SCRN1: variants seen among roughly 807,000 people sequenced by gnomAD.
SCRN1 encodes the protein secernin-1.
Under a neutral mutation model 43.3 loss-of-function variants are expected in SCRN1, and 19 were observed. That is an observed-to-expected ratio of 0.44 (90% CI 0.31 to 0.64). The LOEUF is 0.64. Among genes scored for constraint, SCRN1 ranks in the 30% least tolerant of loss-of-function variants. SCRN1 has a pLI of 0.09. For synonymous variants in SCRN1, 183 were observed against 188.9 expected (o/e 0.97, Z 0.26); for missense variants, 447 against 524.1 (o/e 0.85, Z 1.44).
chr7:29,948,219 G>T (rs1256219661), intron 3 of SCRN1, among the ~76,000 whole-genome samples: 2 of 152,176 alleles, frequency 1.3e-5, no homozygotes, highest in Non-Finnish European at 2.9e-5. Context: ...GAGGCTAGCA[G>T]GCCCTGGGAT....
Position 29,950,125 on chromosome 7 carries a change from C to T in SCRN1, c.341+5054G>A, listed in dbSNP as rs984489843. On this transcript the variant is annotated intron_variant, in intron 3 of 7. Coordinates refer to ENST00000242059, the MANE Select transcript of SCRN1 (RefSeq NM_014766.5). The surrounding 1 kb of genome is among the most constrained non-coding windows in gnomAD (Gnocchi z 4.5). ...TGCTCTGGACCTGGGCATCCCTGCA[C>T]TCTCAGGAGCCCAGGAAGCCCTTGC... Among the ~76,000 whole-genome samples the T allele has an allele frequency of 6.6e-6, 1 of 152,218 alleles. No individual in the cohort carries two copies. Among genetic ancestry groups the T allele is most frequent in the Non-Finnish European group, 1.5e-5 (1 of 68,036 alleles).
intron 3 of SCRN1, among the ~76,000 whole-genome samples, chr7:29,952,869 T>C (rs1308242987): frequency 6.6e-6 from 1 of 152,204 alleles, no homozygotes. Flanking sequence ...ATCCCCACCC[T>C]GAAGAACCTA....
rs190027742 is a variant in SCRN1, at chr7:29,925,397, G to A, written c.1086+1055C>T. Among the ~76,000 whole-genome samples, 216 of 152,260 alleles carry A rather than the reference G, an allele frequency of 1.4e-3. 1 individual carries two copies. The highest frequency in any genetic ancestry group is 6.1e-3 in the Admixed American group (94 of 15,294). The stretch of plus-strand genomic sequence containing the variant: ...ATGTCAAATGCAAGAGGCTCACACA[G>A]TCCACAGCACCAATTTACACAAAAG... On this transcript the variant is annotated intron_variant, in intron 7 of 7. Transcript: ENST00000242059.
chr7:29,936,112 G>C (rs987075836), intron 6 of SCRN1, among the ~76,000 whole-genome samples: 8 of 152,084 alleles, frequency 5.3e-5, no homozygotes, highest in African/African-American at 1.9e-4. Flanking sequence ...TATTGCCTCC[G>C]AACTGTTTTA....
intron 1 of SCRN1, among the ~76,000 whole-genome samples, chr7:29,982,965 A>C (rs550191235): frequency 7.9e-5 from 12 of 151,870 alleles, no homozygotes; most frequent in Non-Finnish European, 1.8e-4. Flanking sequence ...CAGCCTCCCA[A>C]GTAGCTGGGA....
intron 1 of SCRN1, among the ~76,000 whole-genome samples, chr7:29,969,613 G>A (rs1321566268): frequency 6.6e-6 from 1 of 152,076 alleles, no homozygotes; most frequent in African/African-American, 2.4e-5. Context: ...AACACCTTTT[G>A]GTTTTCCGTC....
At chr7:29,947,109 G>T in intron 3 of SCRN1, 1 of 1,446,258 alleles carries the variant, frequency 6.9e-7, no homozygotes. Flanking sequence ...GAAACTCAAT[G>T]GGCCAAGGTT....
upstream of SCRN1, chr7:29,990,136 C>T (rs1257618262): frequency 4.5e-6 from 7 of 1,551,376 alleles, no homozygotes; most frequent in Admixed American, 7.8e-5. Flanking sequence ...ACGTCCGGGC[C>T]TCGGCGCCCA....
rs1041176905 is a variant in SCRN1 at position 29,921,913 on chromosome 7, A to C, written c.*2044T>G. On this transcript the variant is annotated 3_prime_UTR_variant, in exon 8 of 8. Coordinates refer to ENST00000242059, the MANE Select transcript of SCRN1 (RefSeq NM_014766.5). ...TGTCAGGTCTGATGAGACATTTCAT[A>C]GTAGGCGAAGGTGAAATCACTCAGT... 6 of 152,238 alleles carry C rather than the reference A, an allele frequency of 3.9e-5. No homozygotes were observed. The highest frequency in any genetic ancestry group is 1.4e-4 in the African/African-American group (6 of 41,464). The allele number at this position is 152,238 out of a possible 1,614,324, so 9.4% of individuals were successfully genotyped here.
At position 29,926,979 on chromosome 7, in the gene SCRN1, C is replaced by T. The variant is rs139314615; in HGVS notation, c.906-347G>A. On this transcript the variant is annotated intron_variant, in intron 6 of 7. Coordinates refer to ENST00000242059, the MANE Select transcript of SCRN1 (RefSeq NM_014766.5). Reference sequence around the variant, plus strand: ...CGGTGCAAGGAGCCATCTAGCTGAGCGAGAGAGGTTTGCCTTTTTTTTTTT... The same window carrying T: ...CGGTGCAAGGAGCCATCTAGCTGAGTGAGAGAGGTTTGCCTTTTTTTTTTT... Among the ~76,000 whole-genome samples, 416 of 149,850 alleles carry T rather than the reference C, an allele frequency of 2.8e-3. 1 individual carries two copies. The highest frequency in any genetic ancestry group is 9.7e-3 in the African/African-American group (394 of 40,736).
chr7:29,990,107 T>C, upstream of SCRN1: 1 of 1,549,148 alleles, frequency 6.5e-7, no homozygotes, highest in Non-Finnish European at 8.7e-7. Context: ...TTGGCGCCTC[T>C]TCCCGACGTT....
chr7:29,959,715 T>C (rs932084096), intron 2 of SCRN1, among the ~76,000 whole-genome samples: 7 of 152,166 alleles, frequency 4.6e-5, no homozygotes, highest in African/African-American at 1.7e-4. Flanking sequence ...AACCACACTT[T>C]AGAAGAACTG....
At chr7:29,951,162 G>A (rs780700465) in intron 3 of SCRN1, among the ~76,000 whole-genome samples, 7 of 152,224 alleles carry the variant, frequency 4.6e-5, no homozygotes, top group Non-Finnish European at 8.8e-5. Context: ...CAGGCACCAC[G>A]TTTCTTGGTG....
Position 29,968,909 on chromosome 7 carries a change from C to T in SCRN1, c.159G>A (p.Glu53=). The change falls in exon 2 of 8, where the codon GAG becomes GAA. Residue 53 remains glutamate, a splice_region_variant and synonymous_variant. Coordinates refer to ENST00000242059, the MANE Select transcript of SCRN1 (RefSeq NM_014766.5). ...CGCGAGACTGCAATGCACGGCTTAC[C>T]TCAACCTTGCTCTCCGGTTCGTGAT... ...AADHEPESKV[E]CTYISIDQVP... is the part of the protein sequence containing the mutation. 1 of 1,614,108 alleles carries T rather than the reference C, an allele frequency of 6.2e-7. No homozygotes were observed. Among genetic ancestry groups the T allele is most frequent in the Non-Finnish European group, 8.5e-7 (1 of 1,180,006 alleles).
At chr7:29,945,016 G>A (rs562619932) in intron 3 of SCRN1, among the ~76,000 whole-genome samples, 3 of 152,306 alleles carry the variant, frequency 2.0e-5, no homozygotes, top group East Asian at 1.9e-4. Context: ...CAGAGAGGAC[G>A]TTGTCCTGTC....
intron 6 of SCRN1, among the ~76,000 whole-genome samples, chr7:29,929,817 C>T (rs1780697893): frequency 1.3e-5 from 2 of 152,224 alleles, no homozygotes; most frequent in South Asian, 4.1e-4. Context: ...TAAGCTCATG[C>T]TAACCACAGT....
At chr7:29,988,573 C>T (rs1256586714) in intron 1 of SCRN1, 1 of 152,364 alleles carries the variant, frequency 6.6e-6, no homozygotes. Flanking sequence ...TTCATGCTGC[C>T]ATTTTGAATT....
At position 29,926,572 on chromosome 7, in the gene SCRN1, A is replaced by G; in HGVS notation, c.966T>C (p.Ser322=). ...CAGGGTCGTCATCCCCAAAACAGGG[A>G]GACTGTGTTTTGGGGACAAGTTTTA... is the stretch of plus-strand genomic sequence containing the variant. ...DDVKLVPKTQ[S]PCFGDDDPAK... The change falls in exon 7 of 8, where the codon TCT becomes TCC. Residue 322 remains serine, a synonymous_variant. Transcript: ENST00000242059. The G allele has an allele frequency of 1.2e-6, 2 of 1,614,030 alleles. No homozygotes were observed. The highest frequency in any genetic ancestry group is 1.7e-6 in the Non-Finnish European group (2 of 1,179,978).
rs397729276 is a variant in SCRN1, at chr7:29,944,662, CA to C, written c.342-484del. ...TGGGCATCAGAGTGAGACCCTGTCTCAAAAAAAAAAAAAAAAAAGAAAGAAA... is the reference window on the plus strand; with the variant it reads ...TGGGCATCAGAGTGAGACCCTGTCTCAAAAAAAAAAAAAAAAAGAAAGAAA... On this transcript the variant is annotated intron_variant, in intron 3 of 7. Transcript: ENST00000242059. Among the ~76,000 whole-genome samples, 645 of 77,770 alleles carry C rather than the reference CA, an allele frequency of 8.3e-3. 8 individuals carry two copies. The highest frequency in any genetic ancestry group is 0.022 in the African/African-American group (452 of 20,298). 51.0% of individuals were successfully genotyped at this position (77,770 alleles called of 152,430 possible).
Sources: allele counts gnomAD v4.1 joint callset (sites outside exome capture counted in the v4.1 genomes callset), GRCh38; gene constraint gnomAD v4.1.1; non-coding constraint Gnocchi (gnomAD v3.1); transcripts MANE v1.5; gene names NCBI Gene and HGNC (gene_info 2026-07-23, HGNC 2026-07-21).